Variants in TCF4 observed in about 807,000 individuals in gnomAD.
TCF4 encodes transcription factor 4.
TCF4 carries 3 observed loss-of-function variants against 82.1 expected under a neutral mutation model. The observed-to-expected ratio is 0.04, with a 90% CI of 0.02 to 0.09. The LOEUF (loss-of-function observed/expected upper bound fraction) is 0.09. Ranked by LOEUF, TCF4 falls within the 10% of genes least tolerant of loss-of-function variation. TCF4 has a pLI of 1.00. For missense variants in TCF4, 518 were observed against 852.7 expected (o/e 0.61, Z 4.89); for synonymous variants, 276 against 309.6 (o/e 0.89, Z 1.14).
intron 2 of TCF4, among the ~76,000 whole-genome samples, chr18:55,607,085 C>A (rs549159129): frequency 6.6e-6 from 1 of 152,232 alleles, no homozygotes; most frequent in South Asian, 2.1e-4. Flanking sequence ...CATGTTCATG[C>A]CTCATCTCTT....
chr18:55,272,232 T>C (rs2060534096), intron 10 of TCF4, among the ~76,000 whole-genome samples: 1 of 152,112 alleles, frequency 6.6e-6, no homozygotes, highest in Admixed American at 6.6e-5. Context: ...TAGAGACTCA[T>C]AGAAAATTAG....
At chr18:55,597,824 C>T (rs2097692687) in intron 2 of TCF4, among the ~76,000 whole-genome samples, 1 of 152,132 alleles carries the variant, frequency 6.6e-6, no homozygotes, top group African/African-American at 2.4e-5. Context: ...AAGCTGCCCT[C>T]CAACCCCCTC....
intron 3 of TCF4, among the ~76,000 whole-genome samples, chr18:55,537,745 G>A (rs915842596): frequency 6.6e-6 from 1 of 152,084 alleles, no homozygotes; most frequent in African/African-American, 2.4e-5. Flanking sequence ...ATTAAAAAAG[G>A]TTCTCATATT....
At chr18:55,257,472 A>AAATGGC in intron 13 of TCF4, 81 bp from the exon 14 acceptor site, 1 of 1,325,516 alleles carries the variant, frequency 7.5e-7, no homozygotes, top group Admixed American at 1.7e-5. Context: ...GTCCTTTTGG[A>AAATGGC]AATGGCAATG....
intron 15 of TCF4, among the ~76,000 whole-genome samples, chr18:55,243,298 AT>A (rs1425905984): frequency 6.6e-6 from 1 of 152,210 alleles, no homozygotes; most frequent in East Asian, 1.9e-4. Context: ...CAAAAAGCAG[AT>A]TTTTGTAAAG....
At chr18:55,495,241 C>A (rs1381923111) in intron 3 of TCF4, among the ~76,000 whole-genome samples, 7 of 150,442 alleles carry the variant, frequency 4.7e-5, no homozygotes, top group African/African-American at 1.7e-4. Flanking sequence ...AAAGCCAGAA[C>A]TAAAGTTCCC....
chr18:55,351,980 A>C (rs2082414744), intron 6 of TCF4: 1 of 740,158 alleles, frequency 1.4e-6, no homozygotes, highest in African/African-American at 1.9e-5. Flanking sequence ...ATCAACTTTT[A>C]CTGACTGAAC....
intron 3 of TCF4, among the ~76,000 whole-genome samples, chr18:55,566,073 C>T (rs564628644): frequency 1.7e-4 from 26 of 150,690 alleles, no homozygotes; most frequent in Middle Eastern, 3.4e-3. Flanking sequence ...ATTAGCCCGG[C>T]GTGGTGACGG....
chr18:55,400,926 A>C, intron 6 of TCF4: 1 of 1,282,178 alleles, frequency 7.8e-7, no homozygotes, highest in Non-Finnish European at 1.0e-6. Context: ...ACACCATCTG[A>C]AGGTTTCCTA....
At chr18:55,467,533 A>T (rs2096057984) in intron 3 of TCF4, among the ~76,000 whole-genome samples, 1 of 152,162 alleles carries the variant, frequency 6.6e-6, no homozygotes, top group South Asian at 2.1e-4. Context: ...ACTCCACTGT[A>T]ACACAAGACA....
At chr18:55,567,908 T>G (rs1456475258) in intron 3 of TCF4, among the ~76,000 whole-genome samples, 1 of 152,090 alleles carries the variant, frequency 6.6e-6, no homozygotes, top group Non-Finnish European at 1.5e-5. Context: ...ACAATTAAAT[T>G]GTAATAGAGG....
chr18:55,531,495 C>T (rs1290763004), intron 3 of TCF4, among the ~76,000 whole-genome samples: 1 of 152,106 alleles, frequency 6.6e-6, no homozygotes, highest in African/African-American at 2.4e-5. Flanking sequence ...TGGATGTATA[C>T]ACTGTATATA....
intron 3 of TCF4, among the ~76,000 whole-genome samples, chr18:55,497,463 G>A (rs191294831): frequency 4.5e-4 from 69 of 152,098 alleles, no homozygotes; most frequent in African/African-American, 1.3e-3. Flanking sequence ...TATTATATAC[G>A]GCATGCAGTT....
rs1003803600 is a variant in TCF4 at position 55,448,110 on chromosome 18, C to G, written c.304+12909G>C. ...TTTGCCACCTACAGTCAAACCCATA[C>G]AAAATACTATTGTCTAGGAACGCTC... On this transcript the variant is annotated intron_variant, in intron 5 of 19. Transcript: ENST00000354452. Among the ~76,000 whole-genome samples the G allele has an allele frequency of 6.6e-5, 10 of 152,236 alleles. No individual in the cohort carries two copies. In the South Asian group the frequency reaches 1.9e-3, roughly 28 times the overall value.
intron 3 of TCF4, among the ~76,000 whole-genome samples, chr18:55,537,667 C>T (rs746049649): frequency 2.6e-5 from 4 of 151,908 alleles, no homozygotes; most frequent in Non-Finnish European, 5.9e-5. Context: ...TGTGTGTGTA[C>T]GTGTGTGTGT....
At chr18:55,480,649 G>C (rs775929707) in intron 3 of TCF4, among the ~76,000 whole-genome samples, 1 of 152,212 alleles carries the variant, frequency 6.6e-6, no homozygotes, top group Non-Finnish European at 1.5e-5. Context: ...ATGTCACCTT[G>C]TGTAAGGCGT....
intron 2 of TCF4, among the ~76,000 whole-genome samples, chr18:55,609,737 C>T (rs915169261): frequency 1.3e-5 from 2 of 152,190 alleles, no homozygotes; most frequent in Admixed American, 6.5e-5. Context: ...CCTAGCATAA[C>T]AAGCATCCTT....
chr18:55,548,284 T>C (rs529781859), intron 3 of TCF4, among the ~76,000 whole-genome samples: 1 of 152,330 alleles, frequency 6.6e-6, no homozygotes, highest in East Asian at 1.9e-4. Flanking sequence ...TAGGTGGTAA[T>C]CTCCTAGCTG....
At chr18:55,565,609 CAA>C (rs1167419020) in intron 3 of TCF4, among the ~76,000 whole-genome samples, 1 of 152,054 alleles carries the variant, frequency 6.6e-6, no homozygotes, top group Non-Finnish European at 1.5e-5. Flanking sequence ...AAAAGCAAAA[CAA>C]AGAAGCTTAA....
Sources: allele counts gnomAD v4.1 joint callset (sites outside exome capture counted in the v4.1 genomes callset), GRCh38; gene constraint gnomAD v4.1.1; transcripts MANE v1.5; gene names NCBI Gene and HGNC (gene_info 2026-07-23, HGNC 2026-07-21).